SYN2: variants seen among roughly 807,000 people sequenced by gnomAD.
SYN2 encodes the protein synapsin II.
In SYN2, 19 loss-of-function variants were observed where a neutral mutation model predicts 50.9. The ratio of observed to expected loss-of-function variants is 0.37; its 90% confidence interval spans 0.26 to 0.55. The LOEUF (loss-of-function observed/expected upper bound fraction) is 0.55, where lower values mean the gene tolerates loss of function less well. Among genes scored for constraint, SYN2 ranks in the 20% least tolerant of loss-of-function variants. The probability of loss-of-function intolerance (pLI) is 0.81; values close to 1 mark genes in which losing one functional copy is unlikely to be tolerated. For synonymous variants in SYN2, 255 were observed against 224.9 expected, an observed-to-expected ratio of 1.13 and a Z score of -1.20; for missense variants, 587 against 576.4, an observed-to-expected ratio of 1.02 and a Z score of -0.19.
Position 12,145,558 on chromosome 3 carries a change from G to A in SYN2, c.528-121G>A, listed in dbSNP as rs565460233. The A allele has an allele frequency of 9.8e-6, 11 of 1,120,532 alleles. No homozygotes were observed. In the East Asian group the frequency reaches 2.8e-4, roughly 29 times the overall value. 69.4% of individuals were successfully genotyped at this position (1,120,532 alleles called of 1,614,324 possible). The stretch of plus-strand genomic sequence containing the variant: ...TCTAAAATAACAACAGTAAAATGAG[G>A]GGCTTGGACTAGGTGGTTCCTAAGC... On this transcript the variant is annotated intron_variant, in intron 3 of 12. Transcript: ENST00000621198.
chr3:12,174,585 G>A (rs940668313), intron 10 of SYN2, among the ~76,000 whole-genome samples: 24 of 152,284 alleles, frequency 1.6e-4, no homozygotes, highest in South Asian at 2.1e-4. Flanking sequence ...GGGTTCAAGC[G>A]ATTCCCCTGC....
At position 12,157,099 on chromosome 3, in the gene SYN2, AAAC is replaced by A. The variant is rs983854187; in HGVS notation, c.775-4435_775-4433del. Among the ~76,000 whole-genome samples the A allele has an allele frequency of 5.3e-5, 8 of 150,636 alleles. No homozygotes were observed. The East Asian group carries it at 9.7e-4, about 18-fold the overall frequency. ...CTGGGTTATTTTCTCTCTTAAAACAAAACAACAACAACAAAAAACACCTAAACC... is the reference window on the plus strand; with the variant it reads ...CTGGGTTATTTTCTCTCTTAAAACAAAACAACAACAAAAAACACCTAAACC... On this transcript the variant is annotated intron_variant, in intron 5 of 12. Coordinates refer to ENST00000621198, the MANE Select transcript of SYN2 (RefSeq NM_133625.6).
chr3:12,044,160 T>TTCTCTC (rs150236284), intron 1 of SYN2, among the ~76,000 whole-genome samples: 40,615 of 135,238 alleles, frequency 0.3, 6,561 homozygotes, highest in Admixed American at 0.44. Context: ...GAAGGCAAAG[T>TTCTCTC]TCTCTCTCTC....
rs1257104476 is a variant in SYN2, at chr3:12,004,593, C to T, written c.42C>T (p.Phe14=). 1.5e-6 allele frequency: 1 copy of T among 667,186 alleles called. No individual in the cohort carries two copies. The allele number at this position is 667,186 out of a possible 1,614,324, so 41.3% of individuals were successfully genotyped here. ...FLRRRLSDSS[F]IANLPNGYMT... The stretch of plus-strand genomic sequence containing the variant: ...GGCGCCGGCTGTCGGACAGCAGCTT[C>T]ATCGCCAACCTGCCCAACGGCTACA... Residue 14 remains phenylalanine, a synonymous_variant, in exon 1 of 13, where the codon TTC becomes TTT. Transcript: ENST00000621198.
chr3:12,068,079 GAATA>G (rs1194567714), intron 1 of SYN2, among the ~76,000 whole-genome samples: 3 of 152,060 alleles, frequency 2.0e-5, no homozygotes, highest in Non-Finnish European at 2.9e-5. Context: ...ATGAATGAAT[GAATA>G]AATAAAAATT....
chr3:12,086,691 A>G (rs185526305), intron 1 of SYN2, among the ~76,000 whole-genome samples: 126 of 152,294 alleles, frequency 8.3e-4, no homozygotes, highest in Middle Eastern at 3.4e-3. Context: ...ACTTTCAACA[A>G]ATTAGCTATA....
chr3:12,039,648 A>AT lies in SYN2; in HGVS notation c.377+34728dup, dbSNP rs554765732. On this transcript the variant is annotated intron_variant, in intron 1 of 12. Transcript: ENST00000621198. ...GAGACAGAGCCAAATAAAGCAATGG[A>AT]TTTTTTTTGAAGGTGTGCCATGAGT... Among the ~76,000 whole-genome samples, 12 of 143,976 alleles carry AT rather than the reference A, an allele frequency of 8.3e-5. No homozygotes were observed. The South Asian group carries it at 1.3e-3, about 16-fold the overall frequency. The allele number at this position is 143,976 out of a possible 152,430, so 94.5% of individuals were successfully genotyped here.
chr3:12,107,838 G>A (rs951384850), intron 1 of SYN2, among the ~76,000 whole-genome samples: 7 of 152,200 alleles, frequency 4.6e-5, no homozygotes, highest in Admixed American at 4.6e-4. Context: ...CTAAAATCAT[G>A]TGACTATAGA....
chr3:12,175,794 G>A (rs1200258184), intron 10 of SYN2, among the ~76,000 whole-genome samples: 1 of 152,178 alleles, frequency 6.6e-6, no homozygotes, highest in Non-Finnish European at 1.5e-5. Context: ...GCAAAGACAT[G>A]GTGGTGGGCC....
intron 1 of SYN2, among the ~76,000 whole-genome samples, chr3:12,063,552 C>G (rs1023668337): frequency 6.6e-6 from 1 of 151,952 alleles, no homozygotes; most frequent in Non-Finnish European, 1.5e-5. Context: ...CACAGATAAA[C>G]ATGGGAAAAG....
chr3:12,051,661 A>G (rs1045663997), intron 1 of SYN2, among the ~76,000 whole-genome samples: 1 of 152,236 alleles, frequency 6.6e-6, no homozygotes, highest in Non-Finnish European at 1.5e-5. Flanking sequence ...AGGTCTCTGA[A>G]ACTGAACATG....
intron 10 of SYN2, among the ~76,000 whole-genome samples, chr3:12,177,781 A>T (rs1311924924): frequency 6.6e-6 from 1 of 152,214 alleles, no homozygotes; most frequent in Non-Finnish European, 1.5e-5. Context: ...GGACATCTTT[A>T]ATCATTTGAA....
intron 1 of SYN2, among the ~76,000 whole-genome samples, chr3:12,088,313 T>G (rs988969054): frequency 1.1e-4 from 16 of 152,168 alleles, no homozygotes; most frequent in African/African-American, 3.9e-4. Context: ...GAATAAATGC[T>G]CAATATCTCT....
intron 1 of SYN2, among the ~76,000 whole-genome samples, chr3:12,057,992 C>A (rs185974771): frequency 6.6e-6 from 1 of 152,106 alleles, no homozygotes; most frequent in Non-Finnish European, 1.5e-5. Context: ...ATTCTGTGGT[C>A]CCATTCCCCA....
intron 1 of SYN2, among the ~76,000 whole-genome samples, chr3:12,127,696 T>G (rs1696701376): frequency 6.6e-6 from 1 of 152,188 alleles, no homozygotes; most frequent in African/African-American, 2.4e-5. Flanking sequence ...CCTTGAGGTA[T>G]GAGGATGTTT....
chr3:12,051,932 A>G (rs1694872848), intron 1 of SYN2, among the ~76,000 whole-genome samples: 1 of 152,148 alleles, frequency 6.6e-6, no homozygotes, highest in South Asian at 2.1e-4. Flanking sequence ...TTCACCGTGT[A>G]TTTCCCATGT....
intron 1 of SYN2, among the ~76,000 whole-genome samples, chr3:12,047,349 T>C (rs1366159976): frequency 1.3e-5 from 2 of 152,166 alleles, no homozygotes; most frequent in Non-Finnish European, 2.9e-5. Flanking sequence ...ATCTGGTGGC[T>C]TCTATTTTCT....
At chr3:12,037,622 G>T (rs761659098) in intron 1 of SYN2, among the ~76,000 whole-genome samples, 20 of 152,268 alleles carry the variant, frequency 1.3e-4, no homozygotes, top group Non-Finnish European at 2.4e-4. Flanking sequence ...GTGGAAGGGG[G>T]TTGAACTCAT....
At chr3:12,136,573 G>A (rs765879240) in intron 1 of SYN2, among the ~76,000 whole-genome samples, 3 of 152,204 alleles carry the variant, frequency 2.0e-5, no homozygotes, top group Non-Finnish European at 4.4e-5. Context: ...GTTGGGCCAA[G>A]TTTTGTGGGG....
Sources: allele counts gnomAD v4.1 joint callset (sites outside exome capture counted in the v4.1 genomes callset), GRCh38; gene constraint gnomAD v4.1.1; transcripts MANE v1.5; gene names NCBI Gene and HGNC (gene_info 2026-07-23, HGNC 2026-07-21).